RARB: variants seen among roughly 807,000 people sequenced by gnomAD.
RARB encodes HBV-activated protein.
In RARB, 17 loss-of-function variants were observed where a neutral mutation model predicts 51.9. The observed-to-expected ratio is 0.33, with a 90% confidence interval of 0.22 to 0.49. The LOEUF (loss-of-function observed/expected upper bound fraction) is 0.49. Ranked by LOEUF, RARB falls within the 20% of genes least tolerant of loss-of-function variation. The pLI is 0.99. For synonymous variants in RARB, 215 were observed against 195.4 expected (o/e 1.10, Z -0.84); for missense variants, 369 against 550.8 (o/e 0.67, Z 3.30).
At chr3:25,333,667 A>T (rs1226842021) in intron 5 of RARB, among the ~76,000 whole-genome samples, 1 of 152,238 alleles carries the variant, frequency 6.6e-6, no homozygotes, top group Non-Finnish European at 1.5e-5. Flanking sequence ...AAAAGCCAAA[A>T]TTGACAAATG....
At chr3:25,231,767 C>T (rs1401336709) in intron 5 of RARB, among the ~76,000 whole-genome samples, 2 of 152,060 alleles carry the variant, frequency 1.3e-5, no homozygotes, top group African/African-American at 4.8e-5. Context: ...GGGTTGCCTC[C>T]TTTCTTGTTG....
At chr3:25,375,561 G>A (rs900075795) in intron 5 of RARB, among the ~76,000 whole-genome samples, 3 of 152,128 alleles carry the variant, frequency 2.0e-5, no homozygotes, top group South Asian at 2.1e-4. Context: ...CCATTTTAAT[G>A]GATAATGGGA....
rs186491971 is a variant in RARB at position 24,872,643 on chromosome 3, C to T, written c.-380+13891C>T. ...GCCTCCATTAAACAACCAGCTCTCA[C>T]GTGAATAGATGGAGTGAGAACTTCC... On this transcript the variant is annotated intron_variant, in intron 2 of 11. Coordinates refer to the RARB transcript ENST00000383772. Among the ~76,000 whole-genome samples the T allele has an allele frequency of 6.6e-5, 10 of 152,126 alleles. No individual in the cohort carries two copies. In the East Asian group the frequency reaches 7.8e-4, roughly 12 times the overall value.
chr3:25,452,396 G>A (rs146240590), intron 1 of RARB, among the ~76,000 whole-genome samples: 46 of 146,308 alleles, frequency 3.1e-4, no homozygotes, highest in African/African-American at 1.1e-3. Context: ...ATTGCTGGCC[G>A]TAAGCCCAGA....
Position 25,593,489 on chromosome 3 carries a change from T to A in RARB, c.787-14T>A. On this transcript the variant is annotated splice_polypyrimidine_tract_variant and intron_variant, in intron 5 of 7. Transcript: ENST00000330688. Reference sequence around the variant, plus strand: ...GATGGCTTAGAACATCCATCAATTTTTTTTTCCTTCCAGATTCTTAGAATT... The same window carrying A: ...GATGGCTTAGAACATCCATCAATTTATTTTTCCTTCCAGATTCTTAGAATT... The A allele has an allele frequency of 6.2e-7, 1 of 1,608,340 alleles. No homozygotes were observed. The highest frequency in any genetic ancestry group is 8.5e-7 in the Non-Finnish European group (1 of 1,174,896).
intron 5 of RARB, among the ~76,000 whole-genome samples, chr3:25,331,959 C>T (rs1419404584): frequency 6.6e-6 from 1 of 152,160 alleles, no homozygotes; most frequent in East Asian, 1.9e-4. Context: ...CATACACCCT[C>T]CCAAGACTAA....
chr3:24,910,041 T>A, intron 2 of RARB, among the ~76,000 whole-genome samples: 1 of 152,208 alleles, frequency 6.6e-6, no homozygotes, highest in Admixed American at 6.5e-5. Context: ...ATACTAGGTA[T>A]GTTACCATTT....
At chr3:25,366,204 T>C (rs1483842) in intron 5 of RARB, among the ~76,000 whole-genome samples, 80,160 of 151,994 alleles carry the variant, frequency 0.53, 21,605 homozygotes, top group East Asian at 0.85. Flanking sequence ...TATTTCTATA[T>C]TACAAATGGG....
chr3:25,506,265 A>AC (rs1483993308), intron 3 of RARB, among the ~76,000 whole-genome samples: 1 of 151,354 alleles, frequency 6.6e-6, no homozygotes, highest in Non-Finnish European at 1.5e-5. Context: ...AAAAAAAAAA[A>AC]AAAAAAAAAA....
chr3:25,231,638 G>C (rs1292734333), intron 5 of RARB, among the ~76,000 whole-genome samples: 1 of 152,036 alleles, frequency 6.6e-6, no homozygotes, highest in South Asian at 2.1e-4. Context: ...GTGTGTAATG[G>C]TATCTCATTT....
intron 4 of RARB, among the ~76,000 whole-genome samples, chr3:25,153,638 T>C (rs1225817274): frequency 6.6e-6 from 1 of 152,186 alleles, no homozygotes; most frequent in Non-Finnish European, 1.5e-5. Context: ...AATAATTCGC[T>C]ACTGTAGTTA....
chr3:25,285,884 C>A (rs1319644281), intron 5 of RARB, among the ~76,000 whole-genome samples: 1 of 151,800 alleles, frequency 6.6e-6, no homozygotes, highest in African/African-American at 2.4e-5. Context: ...GTTGGTGTAA[C>A]CACCAATATA....
At chr3:25,039,108 T>C (rs1388385836) in intron 2 of RARB, among the ~76,000 whole-genome samples, 1 of 152,194 alleles carries the variant, frequency 6.6e-6, no homozygotes, top group Non-Finnish European at 1.5e-5. Flanking sequence ...TTTCCACTTG[T>C]CTGTACAGGC....
At chr3:24,944,005 C>G (rs149724678) in intron 2 of RARB, among the ~76,000 whole-genome samples, 287 of 152,246 alleles carry the variant, frequency 1.9e-3, no homozygotes, top group African/African-American at 6.5e-3. Context: ...ATAACACTGT[C>G]TCTGTATATA....
intron 2 of RARB, among the ~76,000 whole-genome samples, chr3:24,920,134 C>G (rs1358423254): frequency 6.6e-6 from 1 of 152,134 alleles, no homozygotes; most frequent in Non-Finnish European, 1.5e-5. Flanking sequence ...TAGCTGTTAA[C>G]CAAGGGTTTT....
At chr3:25,504,354 T>A (rs1279776841) in intron 3 of RARB, among the ~76,000 whole-genome samples, 1 of 152,218 alleles carries the variant, frequency 6.6e-6, no homozygotes, top group Admixed American at 6.5e-5. Context: ...AGATCCCGAT[T>A]GTTCCATCAA....
At chr3:25,273,292 T>G (rs1416631957) in intron 5 of RARB, among the ~76,000 whole-genome samples, 1 of 152,234 alleles carries the variant, frequency 6.6e-6, no homozygotes, top group Admixed American at 6.5e-5. Flanking sequence ...ATGCTTTCTT[T>G]TACATCTCAA....
intron 2 of RARB, among the ~76,000 whole-genome samples, chr3:25,050,735 G>T (rs1200015936): frequency 1.3e-5 from 2 of 152,052 alleles, no homozygotes; most frequent in African/African-American, 2.4e-5. Flanking sequence ...TCACATTTGT[G>T]TGCTCATTCT....
At chr3:24,897,156 C>A (rs758424246) in intron 2 of RARB, among the ~76,000 whole-genome samples, 28 of 152,302 alleles carry the variant, frequency 1.8e-4, no homozygotes, top group South Asian at 4.1e-4. Context: ...CTCCATAAAG[C>A]AGGACATTGC....
Sources: gnomAD v4.1 joint callset for allele counts (sites outside exome capture counted in the v4.1 genomes callset) on GRCh38, gnomAD v4.1.1 for gene constraint, MANE v1.5 for transcripts, NCBI Gene and HGNC (gene_info 2026-07-23, HGNC 2026-07-21) for gene names.